The following DRC7 variants were observed in gnomAD, a reference collection of about 807,000 sequenced individuals.
DRC7 encodes the protein coiled-coil domain containing 135.
Under a neutral mutation model 104.4 loss-of-function variants are expected in DRC7, and 80 were observed. The ratio of observed to expected loss-of-function variants is 0.77; its 90% CI spans 0.64 to 0.92. The LOEUF is 0.92. Ranked by LOEUF, DRC7 falls within the 40% of genes least tolerant of loss-of-function variation. The probability of loss-of-function intolerance (pLI) is 0.00; values close to 1 mark genes in which losing one functional copy is unlikely to be tolerated. For missense variants in DRC7, 1,034 were observed against 1,141.1 expected (o/e 0.91, Z 1.35); for synonymous variants, 405 against 447.3 (o/e 0.91, Z 1.19).
intron 8 of DRC7, chr16:57,714,664 G>A: frequency 4.8e-6 from 1 of 207,388 alleles, no homozygotes; most frequent in South Asian, 6.1e-5. Flanking sequence ...ATATGCACTG[G>A]ACAGTGAGGT....
chr16:57,708,553 G>T (rs767055803), intron 8 of DRC7, among the ~76,000 whole-genome samples: 2 of 152,034 alleles, frequency 1.3e-5, no homozygotes, highest in Non-Finnish European at 2.9e-5. Context: ...GAATAATGCC[G>T]CCATGAATAT....
intron 17 of DRC7, 91 bp downstream of exon 17, chr16:57,728,675 C>A: frequency 9.4e-7 from 1 of 1,067,826 alleles, no homozygotes; most frequent in Non-Finnish European, 1.3e-6. Flanking sequence ...ACCTCACAGG[C>A]TTGTGAGGGC....
At position 57,718,339 on chromosome 16, in the gene DRC7, C is replaced by T; in HGVS notation, c.1078-8C>T. Reference sequence around the variant, plus strand: ...GTACACTCAGTTGACTGCCCTCATCCCCAACAGGACTTGATCTTTGACCTG... The same window carrying T: ...GTACACTCAGTTGACTGCCCTCATCTCCAACAGGACTTGATCTTTGACCTG... On this transcript the variant is annotated splice_region_variant and splice_polypyrimidine_tract_variant and intron_variant, in intron 8 of 18. Transcript: ENST00000360716. 2.5e-6 allele frequency: 4 copies of T among 1,613,344 alleles called. No individual in the cohort carries two copies. The highest frequency in any genetic ancestry group is 1.3e-5 in the African/African-American group (1 of 75,006).
chr16:57,724,787 C>T lies in DRC7; in HGVS notation c.1710C>T (p.Val570=), dbSNP rs765928298. 1 of 1,613,760 alleles carries T rather than the reference C, an allele frequency of 6.2e-7. No individual in the cohort carries two copies. Among genetic ancestry groups the T allele is most frequent in the Non-Finnish European group, 8.5e-7 (1 of 1,180,010 alleles). The change falls in exon 13 of 19, where the codon GTC becomes GTT. Residue 570 remains valine (V), a synonymous_variant. Transcript: ENST00000360716. ...GCCATGCCAGCTTCGGACCCCGAGT[C>T]AAGAAGCTCACTCTGAGCAGTGCAG... is the stretch of plus-strand genomic sequence containing the variant. ...SYRHASFGPR[V]KKLTLSSAES...
At chr16:57,717,309 G>A (rs769929045) in intron 8 of DRC7, among the ~76,000 whole-genome samples, 10 of 140,130 alleles carry the variant, frequency 7.1e-5, no homozygotes, top group Non-Finnish European at 1.2e-4. Flanking sequence ...TTCACAGCTC[G>A]CTGCAGCCTC....
intron 1 of DRC7, 107 bp downstream of exon 1, chr16:57,694,959 G>A (rs1216697031): frequency 6.6e-6 from 1 of 152,174 alleles, no homozygotes; most frequent in East Asian, 1.9e-4. Flanking sequence ...GATCTTTCTG[G>A]GGAAGTTGTT....
At position 57,702,001 on chromosome 16, in the gene DRC7, T is replaced by C. The variant is rs1472643784; in HGVS notation, c.570T>C (p.Ser190=). ...KYQKGNCFDF[S]TLLCSMLIGS... ...AGAAGGGGAACTGCTTTGACTTCAG[T>C]ACGCTGCTCTGCTCCATGCTTATCG... Residue 190 remains serine (S), a synonymous_variant, in exon 6 of 19, where the codon AGT becomes AGC. Transcript: ENST00000360716. 1 of 1,614,100 alleles carries C rather than the reference T, an allele frequency of 6.2e-7. No individual in the cohort carries two copies. Among genetic ancestry groups the C allele is most frequent in the African/African-American group, 1.3e-5 (1 of 74,934 alleles).
At chr16:57,708,140 G>A (rs1447216325) in intron 8 of DRC7, among the ~76,000 whole-genome samples, 4 of 152,222 alleles carry the variant, frequency 2.6e-5, no homozygotes, top group South Asian at 2.1e-4. Context: ...GTACACACAC[G>A]CGCCTACAAG....
At chr16:57,718,571 T>C in intron 9 of DRC7, 96 bp downstream of exon 9, 1 of 1,435,232 alleles carries the variant, frequency 7.0e-7, no homozygotes, top group Non-Finnish European at 9.6e-7. Context: ...CAGTGGGGGA[T>C]GGCCCAAGTA....
intron 8 of DRC7, 31 bp downstream of exon 8, chr16:57,707,709 G>T (rs1168760455): frequency 6.3e-7 from 1 of 1,589,936 alleles, no homozygotes; most frequent in Admixed American, 1.7e-5. Context: ...GGGTGGGTGT[G>T]GCAGGCACAG....
Position 57,702,130 on chromosome 16 carries a change from G to C in DRC7, c.699G>C (p.Glu233Asp), listed in dbSNP as rs745717772. ...GCCCACTCACTGTGAAGCCCAAGGAGGTATGGTCGGGCTTGAGCTGCCCGG... is the reference window on the plus strand; with the variant it reads ...GCCCACTCACTGTGAAGCCCAAGGACGTATGGTCGGGCTTGAGCTGCCCGG... The part of the protein sequence containing the change: ...EVCPLTVKPK[E>D]TIKKEEKVLP... Residue 233 changes from glutamate (E) to aspartate (D), a missense_variant and splice_region_variant, in exon 6 of 19, where the codon GAG becomes GAC. Physicochemically the swap from Glu to Asp is conservative, Grantham distance 45 (BLOSUM62 2). Coordinates refer to ENST00000360716, the MANE Select transcript of DRC7 (RefSeq NM_001289162.2). 6.2e-7 allele frequency: 1 copy of C among 1,613,908 alleles called. No individual in the cohort carries two copies. The highest frequency in any genetic ancestry group is 8.5e-7 in the Non-Finnish European group (1 of 1,179,912).
chr16:57,723,423 C>T (rs1191060480), intron 12 of DRC7, among the ~76,000 whole-genome samples: 7 of 152,166 alleles, frequency 4.6e-5, no homozygotes, highest in South Asian at 4.1e-4. Context: ...TGGGGTCACA[C>T]GGTGGAGGCC....
intron 6 of DRC7, among the ~76,000 whole-genome samples, chr16:57,703,955 A>T: frequency 8.8e-6 from 1 of 113,480 alleles, no homozygotes. Flanking sequence ...CAACAGAGGG[A>T]TACTCTGGCT....
chr16:57,703,464 A>G (rs113592679), intron 6 of DRC7, among the ~76,000 whole-genome samples: 3 of 152,268 alleles, frequency 2.0e-5, no homozygotes, highest in African/African-American at 7.2e-5. Flanking sequence ...CGCAGCTTGG[A>G]GATGGGGATC....
intron 8 of DRC7, among the ~76,000 whole-genome samples, chr16:57,717,698 CA>C (rs1183611128): frequency 9.3e-4 from 121 of 129,792 alleles, no homozygotes; most frequent in Middle Eastern, 3.9e-3. Flanking sequence ...GACTCTGTCT[CA>C]AAAAAAAAAA....
rs2048662920 is a variant in DRC7, at chr16:57,701,948, T to TA, written c.518dup (p.Tyr173Ter). Residue 173 changes from tyrosine (Y) to a stop codon, truncating the protein, a stop_gained and frameshift_variant, in exon 6 of 19, where the codon TAC becomes TAAC. Coordinates refer to ENST00000360716, the MANE Select transcript of DRC7 (RefSeq NM_001289162.2). LOFTEE classifies it high-confidence loss of function. The stretch of plus-strand genomic sequence containing the variant: ...CCACTGTGACCAGCCCTCGCACCTG[T>TA]ACTCCTCGACCACTGTGCTCAAGTA... Reference protein sequence around the residue: ...PDPLKPPSHLYSSTTVLKYQK... With the variant: ...PDPLKPPSHL 2.5e-6 allele frequency: 4 copies of TA among 1,614,056 alleles called. No individual in the cohort carries two copies. In the East Asian group the frequency reaches 8.9e-5, roughly 36 times the overall value.
chr16:57,717,847 C>G (rs1446138751), intron 8 of DRC7, among the ~76,000 whole-genome samples: 3 of 152,178 alleles, frequency 2.0e-5, no homozygotes, highest in Non-Finnish European at 4.4e-5. Flanking sequence ...GGCTCTCCAC[C>G]TGCATCTTAT....
chr16:57,698,930 T>G lies in DRC7; in HGVS notation c.284T>G (p.Leu95Arg), dbSNP rs754730918. The change falls in exon 4 of 19, where the codon CTG (leucine) becomes CGG (arginine). Residue 95 changes from leucine (L) to arginine (R), a missense_variant. By Grantham distance (102) the Leu-to-Arg change is moderately radical (BLOSUM62 -2). Coordinates refer to ENST00000360716, the MANE Select transcript of DRC7 (RefSeq NM_001289162.2). ...KTNTPKEEHL[L>R]QVADNFSRQY... ...AACACACCCAAGGAGGAACACCTGC[T>G]GCAGGTGGCAGACAACTTCTCCCGC... 6.2e-7 allele frequency: 1 copy of G among 1,614,044 alleles called. No individual in the cohort carries two copies. Among genetic ancestry groups the G allele is most frequent in the African/African-American group, 1.3e-5 (1 of 74,930 alleles).
rs781080934 is a variant in DRC7 at position 57,707,512 on chromosome 16, G to C, written c.911G>C (p.Trp304Ser). 1.2e-6 allele frequency: 2 copies of C among 1,613,326 alleles called. No homozygotes were observed. The highest frequency in any genetic ancestry group is 4.5e-5 in the East Asian group (2 of 44,896). The change falls in exon 8 of 19, where the codon TGG (tryptophan) becomes TCG (serine). Residue 304 changes from tryptophan to serine, a missense_variant. By Grantham distance (177) the Trp-to-Ser change is radical (BLOSUM62 -3). Coordinates refer to ENST00000360716, the MANE Select transcript of DRC7 (RefSeq NM_001289162.2). Reference protein sequence around the residue: ...DALHGLRVHSWVLVLSGKREV... With the variant: ...DALHGLRVHSSVLVLSGKREV... ...CTGCACGGCCTGCGGGTGCACTCCT[G>C]GGTCCTTGTGCTATCGGGGAAGCGC...
Sources: gnomAD v4.1 joint callset for allele counts (sites outside exome capture counted in the v4.1 genomes callset) on GRCh38, gnomAD v4.1.1 for gene constraint, MANE v1.5 for transcripts, NCBI Gene and HGNC (gene_info 2026-07-23, HGNC 2026-07-21) for gene names.